MYCBP2: variants seen among roughly 807,000 people sequenced by gnomAD.
MYCBP2 encodes the protein E3 ubiquitin-protein ligase MYCBP2.
In MYCBP2, 120 loss-of-function variants were observed where a neutral mutation model predicts 525.3. That is an observed-to-expected ratio of 0.23 (90% CI 0.20 to 0.27). The LOEUF is 0.27. Among genes scored for constraint, MYCBP2 ranks in the 10% least tolerant of loss-of-function variants. The pLI is 1.00. For synonymous variants in MYCBP2, 1,894 were observed against 1,955.8 expected, an observed-to-expected ratio of 0.97 and a Z score of 0.83; for missense variants, 4,149 against 5,657.1, an observed-to-expected ratio of 0.73 and a Z score of 8.55.
chr13:77,143,414 C>T (rs954067754), intron 49 of MYCBP2, among the ~76,000 whole-genome samples: 2 of 152,070 alleles, frequency 1.3e-5, no homozygotes, highest in Non-Finnish European at 2.9e-5. Flanking sequence ...CTCTACTGTC[C>T]CTTGACATTT....
Position 77,253,138 on chromosome 13 carries a change from C to T in MYCBP2, c.2177-1783G>A, listed in dbSNP as rs113675544. On this transcript the variant is annotated intron_variant, in intron 14 of 82. Transcript: ENST00000544440. ...AGTCAAAGATATATAAAACATAATACGTAAAAAAGCTCCTACAAATCAATT... is the reference window on the plus strand; with the variant it reads ...AGTCAAAGATATATAAAACATAATATGTAAAAAAGCTCCTACAAATCAATT... Among the ~76,000 whole-genome samples, 788 of 151,762 alleles carry T rather than the reference C, an allele frequency of 5.2e-3. 6 individuals carry two copies. The highest frequency in any genetic ancestry group is 0.018 in the African/African-American group (732 of 41,444).
chr13:77,083,343 C>G (rs1007222397), intron 62 of MYCBP2, 151 bp from the exon 63 acceptor site: 2 of 697,504 alleles, frequency 2.9e-6, no homozygotes, highest in Non-Finnish European at 4.5e-6. Flanking sequence ...GTAATTTTAA[C>G]TAATTATGCT....
chr13:77,189,616 G>A (rs1174262391), intron 29 of MYCBP2, among the ~76,000 whole-genome samples: 2 of 152,100 alleles, frequency 1.3e-5, no homozygotes, highest in African/African-American at 4.8e-5. Flanking sequence ...ACATTTTTCA[G>A]TAACGGTTTA....
chr13:77,139,944 T>C, intron 51 of MYCBP2, 103 bp downstream of exon 51: 1 of 675,664 alleles, frequency 1.5e-6, no homozygotes, highest in African/African-American at 1.8e-5. Flanking sequence ...CCCAAACTGC[T>C]TAAAACATAT....
In MYCBP2 at chr13:77,171,935, C is replaced by A. The variant is rs147004512; in HGVS notation, c.5652-301G>T. Among the ~76,000 whole-genome samples the A allele has an allele frequency of 2.9e-3, 437 of 152,288 alleles. 1 individual carries two copies. Among genetic ancestry groups the A allele is most frequent in the African/African-American group, 0.01 (419 of 41,556 alleles). On this transcript the variant is annotated intron_variant, in intron 37 of 82. Coordinates refer to ENST00000544440, the MANE Select transcript of MYCBP2 (RefSeq NM_015057.5). The stretch of plus-strand genomic sequence containing the variant: ...TACTTATTTGAGACAGAGTCTTGCT[C>A]TGTCGCCCAGGCTGGAGTGCAGTGG...
intron 34 of MYCBP2, 24 bp from the exon 35 acceptor site, chr13:77,177,978 A>G (rs1338723460): frequency 7.1e-7 from 1 of 1,416,710 alleles, no homozygotes; most frequent in Non-Finnish European, 1.0e-6. Context: ...AAGCAATTGT[A>G]TCAGTAGTTG....
At chr13:77,135,860 G>A (rs964137408) in intron 52 of MYCBP2, among the ~76,000 whole-genome samples, 2 of 146,658 alleles carry the variant, frequency 1.4e-5, no homozygotes, top group Admixed American at 6.8e-5. Flanking sequence ...TTTTTGAGAC[G>A]GAGTCTCACT....
Position 77,270,296 on chromosome 13 carries a change from C to A in MYCBP2, c.1188G>T (p.Arg396Ser). The A allele has an allele frequency of 6.2e-7, 1 of 1,608,306 alleles. No homozygotes were observed. The highest frequency in any genetic ancestry group is 8.5e-7 in the Non-Finnish European group (1 of 1,176,320). The change falls in exon 6 of 83, where the codon AGG (arginine) becomes AGT (serine). Residue 396 changes from arginine (R) to serine (S), a missense_variant and splice_region_variant. Arg to Ser is a moderately radical substitution (Grantham distance 110). Around this residue, in one of 21 missense-constraint regions of MYCBP2, gnomAD observed 262 missense variants for 419.3 expected, o/e 0.62. Transcript: ENST00000544440. ...AAGGAACTGTAAGGAATCACATTAC[C>A]CTAACTGTTCCACTGTATCCAGAGC... The part of the protein sequence containing the change: ...KIGSGYSGTV[R>S]GHIYNSTSRI...
At chr13:77,222,646 C>T (rs780045707) in intron 20 of MYCBP2, among the ~76,000 whole-genome samples, 1 of 152,160 alleles carries the variant, frequency 6.6e-6, no homozygotes, top group Non-Finnish European at 1.5e-5. Flanking sequence ...ACCCCTGTCC[C>T]ACCCACAAGC....
intron 1 of MYCBP2, among the ~76,000 whole-genome samples, chr13:77,324,553 T>C (rs1373850778): frequency 6.6e-6 from 1 of 152,196 alleles, no homozygotes; most frequent in Non-Finnish European, 1.5e-5. Context: ...AAATAAACAA[T>C]AATGTTGCGT....
chr13:77,325,664 C>G (rs371397673), intron 1 of MYCBP2, among the ~76,000 whole-genome samples: 1 of 152,180 alleles, frequency 6.6e-6, no homozygotes, highest in Non-Finnish European at 1.5e-5. Context: ...GCAGTTTTCC[C>G]CTTTTCCCTA....
In MYCBP2 at chr13:77,125,402, C is replaced by T; in HGVS notation, c.7951G>A (p.Asp2651Asn). 6.2e-7 allele frequency: 1 copy of T among 1,614,018 alleles called. No individual in the cohort carries two copies. Among genetic ancestry groups the T allele is most frequent in the Non-Finnish European group, 8.5e-7 (1 of 1,179,886 alleles). ...QNSMVEFCES[D>N]EGEAWSLARD... ...GCTAAGGACCATGCCTCTCCTTCAT[C>T]ACTCTCACAGAACTCTACCATGCTG... The change falls in exon 54 of 83, where the codon GAT becomes AAT. Residue 2651 changes from aspartate to asparagine, a missense_variant. Asp to Asn is a conservative substitution (Grantham distance 23). Transcript: ENST00000544440.
At chr13:77,054,816 G>C (rs542811995) in intron 80 of MYCBP2, among the ~76,000 whole-genome samples, 2 of 152,098 alleles carry the variant, frequency 1.3e-5, no homozygotes, top group Non-Finnish European at 2.9e-5. Context: ...GCCCTGGGTG[G>C]TCTCAAACTC....
chr13:77,169,477 A>G, intron 39 of MYCBP2, 137 bp downstream of exon 39: 1 of 649,064 alleles, frequency 1.5e-6, no homozygotes, highest in East Asian at 2.9e-5. Flanking sequence ...TTTAATAATT[A>G]GCAGATCTAT....
At position 77,062,523 on chromosome 13, in the gene MYCBP2, G is replaced by T; in HGVS notation, c.12774+73C>A. 13 of 1,300,890 alleles carry T rather than the reference G, an allele frequency of 1.0e-5. No individual in the cohort carries two copies. In the Admixed American group the frequency reaches 1.3e-4, roughly 13 times the overall value. The allele number at this position is 1,300,890 out of a possible 1,614,324, so 80.6% of individuals were successfully genotyped here. On this transcript the variant is annotated intron_variant, in intron 74 of 82. Coordinates refer to ENST00000544440, the MANE Select transcript of MYCBP2 (RefSeq NM_015057.5). Reference sequence around the variant, plus strand: ...ATGTTGATGTGTTTTTTGTTTGTTTGTTTGTTTTTAAGCTAAGCTAAAGCT... The same window carrying T: ...ATGTTGATGTGTTTTTTGTTTGTTTTTTTGTTTTTAAGCTAAGCTAAAGCT...
chr13:77,284,485 G>A (rs2076531830), intron 3 of MYCBP2, among the ~76,000 whole-genome samples: 1 of 152,134 alleles, frequency 6.6e-6, no homozygotes, highest in Non-Finnish European at 1.5e-5. Flanking sequence ...TTCATGTCAT[G>A]GAAATGGCTG....
intron 55 of MYCBP2, chr13:77,100,107 G>A (rs1352163717): frequency 7.9e-5 from 12 of 152,022 alleles, no homozygotes; most frequent in Non-Finnish European, 1.5e-5. Flanking sequence ...AACCTATCTG[G>A]AAGTATTTAT....
intron 15 of MYCBP2, among the ~76,000 whole-genome samples, chr13:77,244,577 G>T (rs1336097392): frequency 1.3e-5 from 2 of 152,128 alleles, no homozygotes; most frequent in Non-Finnish European, 2.9e-5. Flanking sequence ...AGAAAACCTA[G>T]GTAATACCAT....
chr13:77,214,513 C>T (rs1161995411), intron 21 of MYCBP2, among the ~76,000 whole-genome samples: 3 of 151,038 alleles, frequency 2.0e-5, no homozygotes, highest in Non-Finnish European at 2.9e-5. Flanking sequence ...GATGCTGAAG[C>T]GAAAAGAGCA....
Sources: allele counts gnomAD v4.1 joint callset (sites outside exome capture counted in the v4.1 genomes callset), GRCh38; gene constraint gnomAD v4.1.1; regional missense constraint gnomAD v4.1.1; transcripts MANE v1.5; gene names NCBI Gene and HGNC (gene_info 2026-07-23, HGNC 2026-07-21).